The following FMO1 variants were observed in gnomAD, a reference collection of about 807,000 sequenced individuals.
The protein encoded by FMO1 is flavin-containing monooxygenase 1.
A neutral mutation model predicts 45.4 loss-of-function variants in FMO1; 36 were observed. The ratio of observed to expected loss-of-function variants is 0.79; its 90% CI spans 0.61 to 1.05. The LOEUF (loss-of-function observed/expected upper bound fraction) is 1.05. Among genes scored for constraint, FMO1 ranks in the 50% least tolerant of loss-of-function variants. The pLI, the probability that FMO1 is intolerant of heterozygous loss-of-function variation, is 0.00. For synonymous variants in FMO1, 228 were observed against 227.2 expected (o/e 1.00, Z -0.03); for missense variants, 615 against 640.3 (o/e 0.96, Z 0.43).
At chr1:171,267,922 GT>G (rs1660685033) in intron 3 of FMO1, among the ~76,000 whole-genome samples, 191 bp downstream of exon 3, 1 of 152,138 alleles carries the variant, frequency 6.6e-6, no homozygotes, top group South Asian at 2.1e-4. Flanking sequence ...AGGATACTTT[GT>G]GTAAAGATTC....
intron 3 of FMO1, chr1:171,271,509 T>C: frequency 1.1e-6 from 1 of 899,282 alleles, no homozygotes; most frequent in Admixed American, 1.7e-5. Flanking sequence ...CTGCTTCTTA[T>C]GCTCTTCCCG....
intron 3 of FMO1, chr1:171,270,862 A>T (rs892492052): frequency 1.4e-5 from 10 of 700,008 alleles, no homozygotes; most frequent in Non-Finnish European, 2.1e-5. Context: ...ACACAGACTT[A>T]CATTTCCATT....
intron 2 of FMO1, among the ~76,000 whole-genome samples, chr1:171,262,758 C>T (rs968168094): frequency 6.6e-6 from 1 of 152,026 alleles, no homozygotes; most frequent in Non-Finnish European, 1.5e-5. Flanking sequence ...AGTGGGGTAC[C>T]CCTGACAGGC....
chr1:171,257,023 T>C (rs1469835387), intron 1 of FMO1, among the ~76,000 whole-genome samples: 1 of 152,210 alleles, frequency 6.6e-6, no homozygotes, highest in Admixed American at 6.5e-5. Context: ...TTGGAAATGC[T>C]TTTAAAGTTT....
At chr1:171,284,062 T>G (rs986117785) in intron 8 of FMO1, among the ~76,000 whole-genome samples, 2 of 151,900 alleles carry the variant, frequency 1.3e-5, no homozygotes, top group African/African-American at 4.8e-5. Flanking sequence ...TCACTCTCAA[T>G]CCAACCAAAA....
intron 1 of FMO1, among the ~76,000 whole-genome samples, chr1:171,257,180 T>G (rs1660194822): frequency 6.6e-6 from 1 of 152,214 alleles, no homozygotes; most frequent in Non-Finnish European, 1.5e-5. Flanking sequence ...AGGGTTAATC[T>G]GTCCAAGATT....
intron 1 of FMO1, among the ~76,000 whole-genome samples, chr1:171,253,659 G>A (rs956344678): frequency 6.6e-6 from 1 of 152,100 alleles, no homozygotes; most frequent in Non-Finnish European, 1.5e-5. Context: ...TACTCGGGAG[G>A]CTGAGGCAGG....
rs1660855546 is a variant in FMO1 at position 171,271,345 on chromosome 1, T to G, written c.321+3614T>G. The G allele has an allele frequency of 3.0e-6, 4 of 1,331,618 alleles. No individual in the cohort carries two copies. In the East Asian group the frequency reaches 6.9e-5, roughly 23 times the overall value. The allele number at this position is 1,331,618 out of a possible 1,614,324, so 82.5% of individuals were successfully genotyped here. On this transcript the variant is annotated intron_variant, in intron 3 of 8. Transcript: ENST00000617670. ...CTTGAACTTCTTTTTTGTCTCCCCT[T>G]TGGGAGGGATTTAGGTTTTCACTTC... is the stretch of plus-strand genomic sequence containing the variant.
At chr1:171,255,849 G>A (rs1359612481) in intron 1 of FMO1, among the ~76,000 whole-genome samples, 3 of 152,168 alleles carry the variant, frequency 2.0e-5, no homozygotes, top group Non-Finnish European at 4.4e-5. Flanking sequence ...TGTCTTTATA[G>A]AGCCAGCATG....
At chr1:171,253,821 A>G (rs1385508331) in intron 1 of FMO1, 1 of 152,176 alleles carries the variant, frequency 6.6e-6, no homozygotes, top group Non-Finnish European at 1.5e-5. Context: ...GAGAAGTCTG[A>G]CTACATTGGT....
chr1:171,277,952 G>T (rs1661178629), intron 4 of FMO1, among the ~76,000 whole-genome samples: 1 of 152,140 alleles, frequency 6.6e-6, no homozygotes, highest in Non-Finnish European at 1.5e-5. Flanking sequence ...TATTACTTCT[G>T]ATTATGTAAT....
chr1:171,259,122 A>G (rs1291801095), intron 2 of FMO1, among the ~76,000 whole-genome samples: 2 of 152,252 alleles, frequency 1.3e-5, no homozygotes, highest in Non-Finnish European at 1.5e-5. Context: ...AAGGTATCAG[A>G]TAGCCCCGCC....
intron 1 of FMO1, among the ~76,000 whole-genome samples, chr1:171,255,051 G>A (rs114064268): frequency 1.6e-3 from 241 of 152,240 alleles, no homozygotes; most frequent in African/African-American, 5.3e-3. Context: ...TAGAAACCAC[G>A]GAGTGTTTGA....
At chr1:171,254,906 A>G (rs1318557161) in intron 1 of FMO1, among the ~76,000 whole-genome samples, 1 of 152,242 alleles carries the variant, frequency 6.6e-6, no homozygotes, top group African/African-American at 2.4e-5. Context: ...CTTCTGTCTT[A>G]GCATCTTACA....
chr1:171,250,596 T>A (rs1376189030), intron 1 of FMO1, among the ~76,000 whole-genome samples: 1 of 151,900 alleles, frequency 6.6e-6, no homozygotes, highest in Non-Finnish European at 1.5e-5. Context: ...GGAAGCAGTA[T>A]AAAATTCACA....
chr1:171,285,281 A>T lies in FMO1; in HGVS notation c.1336A>T (p.Lys446Ter). ...IDELLTYINA[K>*]PNLFSMLLTD... ...TGAACTCCTGACCTATATCAATGCA[A>T]AACCCAACCTGTTCTCTATGCTCCT... The change falls in exon 9 of 9, where the codon AAA (lysine) becomes TAA (stop). Residue 446 changes from lysine (K) to a stop codon, truncating the protein, a stop_gained. Coordinates refer to ENST00000617670, the MANE Select transcript of FMO1 (RefSeq NM_001282693.2). LOFTEE classifies it low-confidence loss of function (END_TRUNC). 6.2e-7 allele frequency: 1 copy of T among 1,613,026 alleles called. No homozygotes were observed. Among genetic ancestry groups the T allele is most frequent in the Non-Finnish European group, 8.5e-7 (1 of 1,179,006 alleles).
chr1:171,265,949 A>G (rs6674596), intron 2 of FMO1, among the ~76,000 whole-genome samples: 2 of 152,036 alleles, frequency 1.3e-5, no homozygotes, highest in Non-Finnish European at 2.9e-5. Flanking sequence ...TTCAGTGTAT[A>G]TTTTTTAACT....
At position 171,278,839 on chromosome 1, in the gene FMO1, A is replaced by T. The variant is rs745756826; in HGVS notation, c.595A>T (p.Ile199Phe). 6.2e-7 allele frequency: 1 copy of T among 1,612,528 alleles called. No homozygotes were observed. The highest frequency in any genetic ancestry group is 8.5e-7 in the Non-Finnish European group (1 of 1,178,936). ...TGGAATGGGAAATTCTGGCACAGACATTGCTGTGGAGGCCAGCCACCTGGC... is the reference window on the plus strand; with the variant it reads ...TGGAATGGGAAATTCTGGCACAGACTTTGCTGTGGAGGCCAGCCACCTGGC... ...VIGMGNSGTD[I>F]AVEASHLAEK... The change falls in exon 5 of 9, where the codon ATT (isoleucine) becomes TTT (phenylalanine). Residue 199 changes from isoleucine (I) to phenylalanine (F), a missense_variant. Ile to Phe is a conservative substitution (Grantham distance 21, BLOSUM62 0). Transcript: ENST00000617670.
At chr1:171,271,471 C>T in intron 3 of FMO1, 1 of 983,202 alleles carries the variant, frequency 1.0e-6, no homozygotes, top group South Asian at 1.3e-5. Flanking sequence ...TTAGAAAACT[C>T]TGAGAAGTTG....
Sources: gnomAD v4.1 joint callset for allele counts (sites outside exome capture counted in the v4.1 genomes callset) on GRCh38, gnomAD v4.1.1 for gene constraint, MANE v1.5 for transcripts, NCBI Gene and HGNC (gene_info 2026-07-23, HGNC 2026-07-21) for gene names.